WDR47: variants seen among roughly 807,000 people sequenced by gnomAD.
WDR47 encodes the protein WD repeat domain 47.
WDR47 carries 32 observed loss-of-function variants against 97.2 expected under a neutral mutation model. That is an observed-to-expected ratio of 0.33 (90% CI 0.25 to 0.44). The LOEUF is 0.44. Among genes scored for constraint, WDR47 ranks in the 20% least tolerant of loss-of-function variants. The pLI, the probability that WDR47 is intolerant of heterozygous loss-of-function variation, is 1.00. For missense variants in WDR47, 782 were observed against 1,102.3 expected (o/e 0.71, Z 4.11); for synonymous variants, 375 against 373.5 (o/e 1.00, Z -0.05).
Position 108,995,698 on chromosome 1 carries a change from G to A in WDR47, c.1573C>T (p.Gln525Ter), listed in dbSNP as rs1312656232. The A allele has an allele frequency of 6.2e-7, 1 of 1,613,998 alleles. No homozygotes were observed. Among genetic ancestry groups the A allele is most frequent in the Non-Finnish European group, 8.5e-7 (1 of 1,180,020 alleles). Residue 525 changes from glutamine (Q) to a stop codon, truncating the protein, a stop_gained, in exon 8 of 15, where the codon CAA becomes TAA. Transcript: ENST00000369962. LOFTEE classifies it high-confidence loss of function. ...SSVTSFTTPP[Q>*]DSSQRLTHDA... ...TGTGTTAATCTCTGACTAGAGTCTT[G>A]GGGTGGTGTAGTAAAACTAGTCACA...
At chr1:109,019,864 G>T (rs113267459) in intron 2 of WDR47, among the ~76,000 whole-genome samples, 3 of 152,266 alleles carry the variant, frequency 2.0e-5, no homozygotes, top group African/African-American at 7.2e-5. Flanking sequence ...CCCTATTTTT[G>T]AATGTTTTAG....
chr1:108,990,545 T>G (rs756932397), intron 9 of WDR47, among the ~76,000 whole-genome samples: 3 of 152,144 alleles, frequency 2.0e-5, no homozygotes, highest in Non-Finnish European at 4.4e-5. Flanking sequence ...TTGGAAACAC[T>G]GGACTTGCAT....
chr1:109,035,246 A>AG (rs1235455362), intron 1 of WDR47, among the ~76,000 whole-genome samples: 9 of 141,856 alleles, frequency 6.3e-5, no homozygotes, highest in Middle Eastern at 3.8e-3. Context: ...ACCCTGTCTC[A>AG]GAAAAAAAAA....
In WDR47 at chr1:108,986,693, T is replaced by G. The variant is rs1399337631; in HGVS notation, c.1768-13A>C. On this transcript the variant is annotated splice_polypyrimidine_tract_variant and intron_variant, in intron 9 of 14. Coordinates refer to ENST00000369962, the MANE Select transcript of WDR47 (RefSeq NM_001142551.2). ...TTGATTTGTCATCCTATGGAAAGAA[T>G]GAATATTAGTTATCCTATTAAAAAA... 1 of 1,409,848 alleles carries G rather than the reference T, an allele frequency of 7.1e-7. No homozygotes were observed. Among genetic ancestry groups the G allele is most frequent in the Non-Finnish European group, 9.3e-7 (1 of 1,079,142 alleles). 87.3% of individuals were successfully genotyped at this position (1,409,848 alleles called of 1,614,324 possible).
chr1:108,974,470 A>T lies in WDR47; in HGVS notation c.2617+66T>A, dbSNP rs1001727487. ...ATTATATAATCAACCACATCACATT[A>T]ACAAAAAAATAAAGGTCCCAAATAG... is the stretch of plus-strand genomic sequence containing the variant. On this transcript the variant is annotated intron_variant, in intron 14 of 14. Coordinates refer to ENST00000369962, the MANE Select transcript of WDR47 (RefSeq NM_001142551.2). 7 of 1,325,636 alleles carry T rather than the reference A, an allele frequency of 5.3e-6. No individual in the cohort carries two copies. The African/African-American group carries it at 1.0e-4, about 20-fold the overall frequency. The allele number at this position is 1,325,636 out of a possible 1,614,324, so 82.1% of individuals were successfully genotyped here. A position where few individuals can be genotyped will look rare whatever the true frequency, so the allele number is the denominator to read the frequency against.
At chr1:108,987,165 T>C (rs919931343) in intron 9 of WDR47, 6 of 183,914 alleles carry the variant, frequency 3.3e-5, no homozygotes, top group South Asian at 2.9e-4. Context: ...TAGTTTCTAA[T>C]GGTGTTTCTT....
intron 9 of WDR47, among the ~76,000 whole-genome samples, chr1:108,987,477 T>C (rs879714964): frequency 6.6e-6 from 1 of 151,692 alleles, no homozygotes; most frequent in Non-Finnish European, 1.5e-5. Context: ...TTTTGTTTTG[T>C]TTGTTTTTGA....
At position 108,995,833 on chromosome 1, in the gene WDR47, T is replaced by G; in HGVS notation, c.1438A>C (p.Ile480Leu). Residue 480 changes from isoleucine (I) to leucine (L), a missense_variant, in exon 8 of 15, where the codon ATT becomes CTT. Physicochemically the swap from Ile to Leu is conservative, Grantham distance 5 (BLOSUM62 2). Coordinates refer to ENST00000369962, the MANE Select transcript of WDR47 (RefSeq NM_001142551.2). ...NLTEQFLNRS[I>L]QKLGELNIGM... is the part of the protein sequence containing the mutation. ...ATATTTAATTCACCAAGCTTTTGAA[T>G]GGACCTATAAAATTAAACAATGTAA... The G allele has an allele frequency of 1.2e-6, 2 of 1,613,338 alleles. No homozygotes were observed. Among genetic ancestry groups the G allele is most frequent in the Non-Finnish European group, 8.5e-7 (1 of 1,179,454 alleles).
At chr1:108,981,207 A>T (rs376721585) in intron 13 of WDR47, among the ~76,000 whole-genome samples, 2 of 151,994 alleles carry the variant, frequency 1.3e-5, no homozygotes, top group African/African-American at 4.8e-5. Context: ...TTAAGTTTAG[A>T]AAGAGAAATT....
At chr1:109,024,130 G>A (rs1182613895) in intron 1 of WDR47, among the ~76,000 whole-genome samples, 8 of 152,168 alleles carry the variant, frequency 5.3e-5, no homozygotes, top group Non-Finnish European at 1.0e-4. Flanking sequence ...CAGTACAGCG[G>A]AGCCAAACAA....
intron 5 of WDR47, among the ~76,000 whole-genome samples, chr1:109,008,970 A>G (rs1358892632): frequency 5.3e-5 from 8 of 151,860 alleles, no homozygotes; most frequent in Admixed American, 2.6e-4. Context: ...CTGTAATCCC[A>G]GCTACTCGGG....
intron 2 of WDR47, among the ~76,000 whole-genome samples, chr1:109,020,959 T>C (rs570135292): frequency 2.2e-4 from 33 of 150,718 alleles, no homozygotes; most frequent in African/African-American, 6.8e-4. Flanking sequence ...CGATCTCAAC[T>C]CACTGAAACC....
At chr1:109,015,060 A>G (rs547622503) in intron 3 of WDR47, among the ~76,000 whole-genome samples, 3 of 152,276 alleles carry the variant, frequency 2.0e-5, no homozygotes, top group East Asian at 1.9e-4. Context: ...AAAAAAAGAC[A>G]TAACAACTGA....
intron 1 of WDR47, among the ~76,000 whole-genome samples, chr1:109,037,843 C>T (rs528154299): frequency 2.0e-5 from 3 of 151,926 alleles, no homozygotes; most frequent in African/African-American, 7.2e-5. Context: ...GCTTGTAGTA[C>T]TATTTTTTTC....
At chr1:109,010,858 A>G in intron 5 of WDR47, 58 bp downstream of exon 5, 3 of 1,511,370 alleles carry the variant, frequency 2.0e-6, no homozygotes, top group Non-Finnish European at 2.7e-6. Flanking sequence ...CTGGGATTAC[A>G]GGCATAAGCC....
chr1:108,978,931 G>A (rs1477243641), intron 13 of WDR47, among the ~76,000 whole-genome samples: 1 of 152,156 alleles, frequency 6.6e-6, no homozygotes, highest in Non-Finnish European at 1.5e-5. Flanking sequence ...GATATATATA[G>A]GCAAGACTTT....
At chr1:108,976,108 C>T (rs1055040695) in intron 13 of WDR47, among the ~76,000 whole-genome samples, 1 of 152,014 alleles carries the variant, frequency 6.6e-6, no homozygotes, top group South Asian at 2.1e-4. Context: ...GGTTTCTAAG[C>T]AAGAGAATTA....
intron 5 of WDR47, among the ~76,000 whole-genome samples, chr1:109,005,777 G>C (rs1213462147): frequency 6.6e-6 from 1 of 152,146 alleles, no homozygotes; most frequent in Non-Finnish European, 1.5e-5. Context: ...GCTGAGACAA[G>C]AGAATCGCTT....
At chr1:109,037,205 G>A (rs1042982465) in intron 1 of WDR47, among the ~76,000 whole-genome samples, 2 of 151,734 alleles carry the variant, frequency 1.3e-5, no homozygotes, top group Non-Finnish European at 2.9e-5. Context: ...GGCACATGCC[G>A]GTAATCCCAG....
Sources: allele counts gnomAD v4.1 joint callset (sites outside exome capture counted in the v4.1 genomes callset), GRCh38; gene constraint gnomAD v4.1.1; transcripts MANE v1.5; gene names NCBI Gene and HGNC (gene_info 2026-07-23, HGNC 2026-07-21).